TERT: variants seen among roughly 807,000 people sequenced by gnomAD.
TERT encodes the protein telomerase catalytic subunit.
A neutral mutation model predicts 104.0 loss-of-function variants in TERT; 42 were observed. The observed-to-expected ratio is 0.40, with a 90% confidence interval of 0.32 to 0.52. The LOEUF (loss-of-function observed/expected upper bound fraction) is 0.52, where lower values mean the gene tolerates loss of function less well. TERT is among the 20% of genes least tolerant of loss of function. The pLI, the probability that TERT is intolerant of heterozygous loss-of-function variation, is 0.43. For synonymous variants in TERT, 781 were observed against 725.6 expected (o/e 1.08, Z -1.23); for missense variants, 1,101 against 1,610.3 (o/e 0.68, Z 5.41).
chr5:1,285,710 C>T (rs1371552334), intron 2 of TERT, among the ~76,000 whole-genome samples: 4 of 151,440 alleles, frequency 2.6e-5, no homozygotes, highest in Non-Finnish European at 2.9e-5. Context: ...GCTGGGATTA[C>T]AGGCACCCGC....
intron 5 of TERT, 94 bp downstream of exon 5, chr5:1,279,197 C>T: frequency 7.0e-7 from 1 of 1,423,406 alleles, no homozygotes; most frequent in South Asian, 1.3e-5. Context: ...CTGCGGCCCA[C>T]CCAGGAGTAC....
At chr5:1,273,674 A>AC (rs1418412411) in intron 6 of TERT, among the ~76,000 whole-genome samples, 1 of 20,380 alleles carries the variant, frequency 4.9e-5, no homozygotes, top group Non-Finnish European at 8.8e-5. Flanking sequence ...CACACATCAG[A>AC]CCCCACGACC....
At chr5:1,266,203 G>A (rs1303271434) in intron 10 of TERT, among the ~76,000 whole-genome samples, 5 of 152,232 alleles carry the variant, frequency 3.3e-5, no homozygotes, top group African/African-American at 7.2e-5. Context: ...CCAGGTCACC[G>A]CCTGCACTCA....
chr5:1,277,432 C>G (rs1434466792), intron 6 of TERT, among the ~76,000 whole-genome samples: 1 of 152,208 alleles, frequency 6.6e-6, no homozygotes, highest in African/African-American at 2.4e-5. Context: ...ACAACGGATG[C>G]CATTCATGGA....
rs1009085379 is a variant in TERT at position 1,295,023 on chromosome 5, G to A, written c.-34C>T. 2 of 1,271,466 alleles carry A rather than the reference G, an allele frequency of 1.6e-6. No individual in the cohort carries two copies. Among genetic ancestry groups the A allele is most frequent in the Non-Finnish European group, 2.0e-6 (2 of 1,005,548 alleles). 78.8% of individuals were successfully genotyped at this position (1,271,466 alleles called of 1,614,324 possible). A position where few individuals can be genotyped will look rare whatever the true frequency, so the allele number is the denominator to read the frequency against. On this transcript the variant is annotated 5_prime_UTR_variant, in exon 1 of 16. Transcript: ENST00000310581. ...TGGCCGGGGCCAGGGCTTCCCACGTGCGCAGCAGGACGCAGCGCTGCCTGA... is the reference window on the plus strand; with the variant it reads ...TGGCCGGGGCCAGGGCTTCCCACGTACGCAGCAGGACGCAGCGCTGCCTGA...
At position 1,257,915 on chromosome 5, in the gene TERT, C is replaced by A. The variant is rs1324803995; in HGVS notation, c.3032+683G>T. Among the ~76,000 whole-genome samples the A allele has an allele frequency of 3.3e-5, 5 of 152,194 alleles. No individual in the cohort carries two copies. Among genetic ancestry groups the A allele is most frequent in the Non-Finnish European group, 4.4e-5 (3 of 68,030 alleles). ...AGGCCTGTTGAGGTGGAGGCCCGGGCCTGTGGTGCCCGACTGCCCTTTGGT... is the reference window on the plus strand; with the variant it reads ...AGGCCTGTTGAGGTGGAGGCCCGGGACTGTGGTGCCCGACTGCCCTTTGGT... On this transcript the variant is annotated intron_variant, in intron 13 of 15. Coordinates refer to ENST00000310581, the MANE Select transcript of TERT (RefSeq NM_198253.3). This position sits in a 1 kb window ranked among gnomAD's most constrained non-coding sequence, Gnocchi z 5.6.
intron 6 of TERT, among the ~76,000 whole-genome samples, chr5:1,275,384 AAAAAAAAGAAAG>A (rs1266558409): frequency 2.0e-5 from 3 of 148,660 alleles, no homozygotes; most frequent in South Asian, 2.1e-4. Flanking sequence ...ATCAAAAAAA[AAAAAAAAGAAAG>A]AAAAAAAGAA....
rs112759572 is a variant in TERT at position 1,268,234 on chromosome 5, C to T, written c.2582+286G>A. 6.6e-5 allele frequency among the ~76,000 whole-genome samples: 10 copies of T among 152,230 alleles called. No homozygotes were observed. Among genetic ancestry groups the T allele is most frequent in the Non-Finnish European group, 1.5e-5 (1 of 68,052 alleles). On this transcript the variant is annotated intron_variant, in intron 9 of 15. Coordinates refer to ENST00000310581, the MANE Select transcript of TERT (RefSeq NM_198253.3). This position sits in a 1 kb window ranked among gnomAD's most constrained non-coding sequence, Gnocchi z 5.5. Reference sequence around the variant, plus strand: ...TGACGTGACAGAAGCTGGTGTGCTTCCTCGGTGTTGAATTCACATGCTCAT... The same window carrying T: ...TGACGTGACAGAAGCTGGTGTGCTTTCTCGGTGTTGAATTCACATGCTCAT...
At chr5:1,277,580 G>A (rs557746624) in intron 6 of TERT, among the ~76,000 whole-genome samples, 77 of 144,168 alleles carry the variant, frequency 5.3e-4, no homozygotes, top group African/African-American at 1.7e-3. Flanking sequence ...CGGTGGGGGC[G>A]GTAGCTTCCG....
At chr5:1,275,056 G>A (rs992529718) in intron 6 of TERT, among the ~76,000 whole-genome samples, 4 of 152,194 alleles carry the variant, frequency 2.6e-5, no homozygotes, top group South Asian at 2.1e-4. Context: ...GGCAGCTATC[G>A]CTGCAGATCT....
intron 6 of TERT, among the ~76,000 whole-genome samples, chr5:1,277,974 G>A (rs1020292456): frequency 3.3e-5 from 5 of 151,054 alleles, no homozygotes; most frequent in African/African-American, 7.4e-5. Flanking sequence ...CAAGGCCCCC[G>A]GCCGCTCTGG....
At position 1,261,969 on chromosome 5, in the gene TERT, A is replaced by G. The variant is rs917644317; in HGVS notation, c.2844-1369T>C. Among the ~76,000 whole-genome samples, 1 of 152,198 alleles carries G rather than the reference A, an allele frequency of 6.6e-6. No individual in the cohort carries two copies. Among genetic ancestry groups the G allele is most frequent in the Admixed American group, 6.5e-5 (1 of 15,276 alleles). ...GGACCTCACAGGGCGCCTTAAATAA[A>G]TCACGTGCACAAACGCTCCAGGGAA... On this transcript the variant is annotated intron_variant, in intron 11 of 15. Transcript: ENST00000310581. This position sits in a 1 kb window ranked among gnomAD's most constrained non-coding sequence, Gnocchi z 7.4.
At position 1,257,089 on chromosome 5, in the gene TERT, C is replaced by G. The variant is rs575864409; in HGVS notation, c.3032+1509G>C. Among the ~76,000 whole-genome samples, 11 of 152,222 alleles carry G rather than the reference C, an allele frequency of 7.2e-5. No individual in the cohort carries two copies. The highest frequency in any genetic ancestry group is 6.5e-4 in the Admixed American group (10 of 15,298). On this transcript the variant is annotated intron_variant, in intron 13 of 15. Coordinates refer to ENST00000310581, the MANE Select transcript of TERT (RefSeq NM_198253.3). The surrounding 1 kb of genome is among the most constrained non-coding windows in gnomAD (Gnocchi z 5.6). Reference sequence around the variant, plus strand: ...CCTGACTCTGTGTTTGGAAACGGCCCGTGGCCCATCGCATCTCGGCCTCCT... The same window carrying G: ...CCTGACTCTGTGTTTGGAAACGGCCGGTGGCCCATCGCATCTCGGCCTCCT...
intron 6 of TERT, among the ~76,000 whole-genome samples, chr5:1,276,848 CGTTACTGGACTGT>C (rs1749633234): frequency 6.6e-6 from 1 of 152,216 alleles, no homozygotes; most frequent in African/African-American, 2.4e-5. Flanking sequence ...AAGTGGACTG[CGTTACTGGACTGT>C]GTTAGTGGAC....
intron 2 of TERT, among the ~76,000 whole-genome samples, chr5:1,284,110 A>G: frequency 7.7e-6 from 1 of 130,158 alleles, no homozygotes; most frequent in Non-Finnish European, 1.6e-5. Context: ...CATCATCCGG[A>G]CTCCATACCT....
intron 2 of TERT, among the ~76,000 whole-genome samples, chr5:1,285,754 C>T (rs1750440515): frequency 6.6e-6 from 1 of 151,686 alleles, no homozygotes; most frequent in Non-Finnish European, 1.5e-5. Context: ...GTTTTTAGTA[C>T]AGATGGGGTT....
Position 1,268,477 on chromosome 5 carries a change from A to G in TERT, c.2582+43T>C. 6.6e-7 allele frequency: 1 copy of G among 1,510,018 alleles called. No individual in the cohort carries two copies. Among genetic ancestry groups the G allele is most frequent in the East Asian group, 2.3e-5 (1 of 43,610 alleles). The allele number at this position is 1,510,018 out of a possible 1,614,324, so 93.5% of individuals were successfully genotyped here. A position where few individuals can be genotyped will look rare whatever the true frequency, so the allele number is the denominator to read the frequency against. ...TTAACACTGAATGCATCAAAAGCAA[A>G]TCAACCCCCACCCAAGCCCCCCTGG... is the stretch of plus-strand genomic sequence containing the variant. On this transcript the variant is annotated intron_variant, in intron 9 of 15. Transcript: ENST00000310581. This position sits in a 1 kb window ranked among gnomAD's most constrained non-coding sequence, Gnocchi z 5.5.
At position 1,274,709 on chromosome 5, in the gene TERT, C is replaced by T. The variant is rs1037401668; in HGVS notation, c.2287-2429G>A. Among the ~76,000 whole-genome samples the T allele has an allele frequency of 1.3e-5, 2 of 152,214 alleles. No individual in the cohort carries two copies. Among genetic ancestry groups the T allele is most frequent in the Non-Finnish European group, 2.9e-5 (2 of 68,042 alleles). ...CCCCACCTAGCCTCCCGCTGTGCGC[C>T]GGGTTCCTAACAGGCCCCAGACCGG... On this transcript the variant is annotated intron_variant, in intron 6 of 15. Transcript: ENST00000310581. This position sits in a 1 kb window ranked among gnomAD's most constrained non-coding sequence, Gnocchi z 5.3.
chr5:1,259,168 G>A (rs1017003830), intron 12 of TERT, among the ~76,000 whole-genome samples: 5 of 145,078 alleles, frequency 3.4e-5, no homozygotes, highest in Admixed American at 3.4e-4. Flanking sequence ...GGACGCGGAT[G>A]CCCACAGGAG....
Sources: allele counts gnomAD v4.1 joint callset (sites outside exome capture counted in the v4.1 genomes callset), GRCh38; gene constraint gnomAD v4.1.1; non-coding constraint Gnocchi (gnomAD v3.1); transcripts MANE v1.5; gene names NCBI Gene and HGNC (gene_info 2026-07-23, HGNC 2026-07-21).